Variants in DNM3 observed in about 807,000 individuals in gnomAD.
DNM3 encodes dynamin-3.
DNM3 carries 47 observed loss-of-function variants against 101.6 expected under a neutral mutation model. The ratio of observed to expected loss-of-function variants is 0.46; its 90% CI spans 0.37 to 0.59. The LOEUF (loss-of-function observed/expected upper bound fraction) is 0.59, where lower values mean the gene tolerates loss of function less well. Ranked by LOEUF, DNM3 falls within the 20% of genes least tolerant of loss-of-function variation. DNM3 has a pLI of 0.00. For synonymous variants in DNM3, 385 were observed against 387.9 expected, an observed-to-expected ratio of 0.99 and a Z score of 0.09; for missense variants, 849 against 1,085.7, an observed-to-expected ratio of 0.78 and a Z score of 3.06.
In DNM3 at chr1:172,308,958, A is replaced by G. The variant is rs867778702; in HGVS notation, c.1881+119A>G. The stretch of plus-strand genomic sequence containing the variant: ...CTTACTGACTTAATTAATTAGTTAC[A>G]CTTTTAGCTGATACTTCGCTTACTC... On this transcript the variant is annotated intron_variant, in intron 16 of 20. Transcript: ENST00000627582. 18 of 493,606 alleles carry G rather than the reference A, an allele frequency of 3.6e-5. No individual in the cohort carries two copies. The Middle Eastern group carries it at 1.6e-3, about 43-fold the overall frequency. 30.6% of individuals were successfully genotyped at this position (493,606 alleles called of 1,614,324 possible).
chr1:172,171,232 T>C (rs2058947092), intron 14 of DNM3, among the ~76,000 whole-genome samples: 1 of 151,868 alleles, frequency 6.6e-6, no homozygotes, highest in African/African-American at 2.4e-5. Context: ...TCTTCCTCCC[T>C]ATACTTACTC....
chr1:172,020,245 C>A (rs1270712127), intron 4 of DNM3, among the ~76,000 whole-genome samples: 1 of 152,070 alleles, frequency 6.6e-6, no homozygotes, highest in East Asian at 1.9e-4. Context: ...CCTGCCCCAC[C>A]CCTTTAGGTG....
At chr1:171,941,478 T>C (rs2041812265) in intron 2 of DNM3, among the ~76,000 whole-genome samples, 1 of 152,116 alleles carries the variant, frequency 6.6e-6, no homozygotes. Flanking sequence ...TGAGGAAGAA[T>C]AGTGGAGGTG....
chr1:172,221,852 A>C (rs2060917762), intron 14 of DNM3, among the ~76,000 whole-genome samples: 1 of 152,154 alleles, frequency 6.6e-6, no homozygotes, highest in South Asian at 2.1e-4. Context: ...CTAAAAAGTT[A>C]CCTATTTATT....
intron 5 of DNM3, 26 bp downstream of exon 5, chr1:172,032,526 CTT>C (rs750270768): frequency 0.011 from 3,914 of 358,608 alleles, 1 homozygote; most frequent in Middle Eastern, 0.017. Flanking sequence ...CTATACAAGA[CTT>C]TTTTTTTTTT....
chr1:172,289,474 TTTCTCA>T, intron 15 of DNM3: 1 of 785,386 alleles, frequency 1.3e-6, no homozygotes, highest in Non-Finnish European at 1.5e-6. Context: ...CTAATTTTGT[TTTCTCA>T]TCTTTTATAT....
intron 4 of DNM3, among the ~76,000 whole-genome samples, chr1:172,007,875 C>T (rs765370969): frequency 2.0e-5 from 3 of 152,080 alleles, no homozygotes; most frequent in Non-Finnish European, 4.4e-5. Flanking sequence ...AAGCGGTTCT[C>T]CCATCTCAGA....
chr1:171,972,933 C>G (rs112223520), intron 2 of DNM3, among the ~76,000 whole-genome samples: 1 of 152,174 alleles, frequency 6.6e-6, no homozygotes, highest in East Asian at 1.9e-4. Context: ...GAGCAGAGTT[C>G]TCTCTCAATA....
intron 14 of DNM3, among the ~76,000 whole-genome samples, chr1:172,186,513 T>C (rs956813592): frequency 6.6e-6 from 1 of 152,078 alleles, no homozygotes; most frequent in East Asian, 1.9e-4. Flanking sequence ...AGAAGGACAA[T>C]GCTGTCCCCC....
rs1043496765 is a variant in DNM3 at position 172,153,962 on chromosome 1, C to T, written c.1659+22674C>T. ...CTAAGGTTCCAAAGAATATTGCATA[C>T]CAAATATTTCCAAATAACATATATA... On this transcript the variant is annotated intron_variant, in intron 14 of 20. Transcript: ENST00000627582. 4.9e-4 allele frequency among the ~76,000 whole-genome samples: 75 copies of T among 152,030 alleles called. 1 individual carries two copies. The highest frequency in any genetic ancestry group is 1.6e-3 in the African/African-American group (68 of 41,426).
chr1:172,207,652 G>A (rs1229218920), intron 14 of DNM3, among the ~76,000 whole-genome samples: 1 of 151,952 alleles, frequency 6.6e-6, no homozygotes. Flanking sequence ...AGTTAAGTGA[G>A]TTTTCTTGTT....
chr1:172,303,098 T>A (rs568996764), intron 15 of DNM3, among the ~76,000 whole-genome samples: 1 of 152,110 alleles, frequency 6.6e-6, no homozygotes, highest in Non-Finnish European at 1.5e-5. Flanking sequence ...AAAAGGAGCA[T>A]GTTCTAACCC....
At chr1:172,080,189 C>T (rs983782144) in intron 11 of DNM3, among the ~76,000 whole-genome samples, 1 of 152,176 alleles carries the variant, frequency 6.6e-6, no homozygotes, top group African/African-American at 2.4e-5. Flanking sequence ...AGCTGGCAGG[C>T]AGGAACATTT....
At chr1:171,935,695 C>G (rs560829902) in intron 2 of DNM3, among the ~76,000 whole-genome samples, 53 of 147,924 alleles carry the variant, frequency 3.6e-4, no homozygotes, top group African/African-American at 1.1e-3. Flanking sequence ...TCAGTGACAT[C>G]ATGATGGTAG....
rs1050431295 is a variant in DNM3 at position 172,408,893 on chromosome 1, G to C, written c.*1052G>C. 9.2e-5 allele frequency: 91 copies of C among 985,178 alleles called. No individual in the cohort carries two copies. The highest frequency in any genetic ancestry group is 2.5e-4 in the Admixed American group (4 of 16,232). 61.0% of individuals were successfully genotyped at this position (985,178 alleles called of 1,614,324 possible). ...AGGCTATGGGATAATCACATTTAAA[G>C]AATGGTTCCTGAAATGAAGTCAGTA... On this transcript the variant is annotated 3_prime_UTR_variant, in exon 21 of 21. Coordinates refer to ENST00000627582, the MANE Select transcript of DNM3 (RefSeq NM_015569.5).
chr1:172,378,234 TGAA>T (rs1249059448), intron 17 of DNM3: 1 of 152,082 alleles, frequency 6.6e-6, no homozygotes, highest in Non-Finnish European at 1.5e-5. Flanking sequence ...CCCTTAATGA[TGAA>T]GAAGCCATTC....
chr1:171,947,864 T>A (rs1571773395), intron 2 of DNM3, among the ~76,000 whole-genome samples: 1 of 152,236 alleles, frequency 6.6e-6, no homozygotes, highest in East Asian at 1.9e-4. Flanking sequence ...GGTCTTTGAA[T>A]TTTAGCAGAG....
intron 15 of DNM3, among the ~76,000 whole-genome samples, chr1:172,303,888 T>A (rs1422009414): frequency 2.0e-5 from 3 of 151,932 alleles, no homozygotes; most frequent in Non-Finnish European, 4.4e-5. Flanking sequence ...AGCACTAAAC[T>A]TGGAAAGGAA....
At chr1:171,876,076 T>C (rs900736821) in intron 1 of DNM3, among the ~76,000 whole-genome samples, 9 of 152,108 alleles carry the variant, frequency 5.9e-5, no homozygotes, top group Admixed American at 3.9e-4. Context: ...CGCAAAGTCC[T>C]GGGATTACAG....
Sources: allele counts gnomAD v4.1 joint callset (sites outside exome capture counted in the v4.1 genomes callset), GRCh38; gene constraint gnomAD v4.1.1; transcripts MANE v1.5; gene names NCBI Gene and HGNC (gene_info 2026-07-23, HGNC 2026-07-21).